CCBE1: variants seen among roughly 807,000 people sequenced by gnomAD.
CCBE1 encodes collagen and calcium binding EGF domains 1, also known as collagen and calcium-binding EGF domain-containing protein 1.
Under a neutral mutation model 50.0 loss-of-function variants are expected in CCBE1, and 37 were observed. That is an observed-to-expected ratio of 0.74 (90% confidence interval 0.57 to 0.97). The LOEUF is 0.97. Among genes scored for constraint, CCBE1 ranks in the 50% least tolerant of loss-of-function variants. The pLI, the probability that CCBE1 is intolerant of heterozygous loss-of-function variation, is 0.00. For synonymous variants in CCBE1, 234 were observed against 203.7 expected (o/e 1.15, Z -1.27); for missense variants, 538 against 523.8 (o/e 1.03, Z -0.26).
chr18:59,632,055 G>C (rs1599082278), intron 2 of CCBE1, among the ~76,000 whole-genome samples: 1 of 152,124 alleles, frequency 6.6e-6, no homozygotes, highest in Admixed American at 6.5e-5. Context: ...AAAGCTTTAA[G>C]GTTCAAAACA....
intron 2 of CCBE1, among the ~76,000 whole-genome samples, chr18:59,693,671 CTG>C (rs1175633215): frequency 6.6e-6 from 1 of 152,094 alleles, no homozygotes. Flanking sequence ...AGTCTGCAAA[CTG>C]AGACCAGAGA....
intron 2 of CCBE1, among the ~76,000 whole-genome samples, chr18:59,548,438 G>T (rs1915791590): frequency 6.6e-6 from 1 of 152,206 alleles, no homozygotes; most frequent in Non-Finnish European, 1.5e-5. Context: ...AATAGAGATT[G>T]CAGGGTGTGG....
intron 2 of CCBE1, among the ~76,000 whole-genome samples, chr18:59,590,962 A>ATGATCAAGTTCCAGATGCAACT (rs1599041319): frequency 3.6e-5 from 4 of 110,056 alleles, no homozygotes; most frequent in South Asian, 2.9e-4. Context: ...GCTGCTAAGT[A>ATGATCAAGTTCCAGATGCAACT]GGCCGGGCGC....
At chr18:59,578,618 T>C (rs1487160265) in intron 2 of CCBE1, among the ~76,000 whole-genome samples, 1 of 152,040 alleles carries the variant, frequency 6.6e-6, no homozygotes, top group Non-Finnish European at 1.5e-5. Flanking sequence ...TATGCACCCA[T>C]AAAAAAGGAT....
chr18:59,619,317 GT>G (rs951083974), intron 2 of CCBE1, among the ~76,000 whole-genome samples: 1 of 152,028 alleles, frequency 6.6e-6, no homozygotes, highest in Admixed American at 6.6e-5. Context: ...TTATTATTTT[GT>G]TTTTTAGAGA....
At chr18:59,638,721 C>T (rs2053946020) in intron 2 of CCBE1, among the ~76,000 whole-genome samples, 1 of 152,228 alleles carries the variant, frequency 6.6e-6, no homozygotes, top group Non-Finnish European at 1.5e-5. Flanking sequence ...AACACACACA[C>T]ATAGCCCAGA....
In CCBE1 at chr18:59,469,457, C is replaced by A. The variant is rs1042648051; in HGVS notation, c.400+16G>T. 1 of 1,614,184 alleles carries A rather than the reference C, an allele frequency of 6.2e-7. No individual in the cohort carries two copies. Among genetic ancestry groups the A allele is most frequent in the East Asian group, 2.2e-5 (1 of 44,874 alleles). The stretch of plus-strand genomic sequence containing the variant: ...CACATGTTCAGAAGCTGGAAACAAG[C>A]ACATTCCCAACACACCCAGACAGTA... On this transcript the variant is annotated intron_variant, in intron 4 of 10. Transcript: ENST00000439986.
chr18:59,536,025 C>A (rs922335712), intron 2 of CCBE1, among the ~76,000 whole-genome samples: 6 of 152,114 alleles, frequency 3.9e-5, no homozygotes, highest in African/African-American at 1.4e-4. Flanking sequence ...GAAACAAAGG[C>A]TTCAATTTTG....
chr18:59,514,991 A>G (rs4940885), intron 2 of CCBE1, among the ~76,000 whole-genome samples: 53,310 of 152,070 alleles, frequency 0.35, 9,959 homozygotes, highest in Middle Eastern at 0.48. Context: ...GAGAAGCAGG[A>G]AGCTCTGATG....
intron 2 of CCBE1, among the ~76,000 whole-genome samples, chr18:59,550,328 TTC>T (rs1251318758): frequency 6.6e-6 from 1 of 152,174 alleles, no homozygotes; most frequent in Non-Finnish European, 1.5e-5. Context: ...TATGGCTGAT[TTC>T]GAGTGACAAC....
chr18:59,629,989 A>T (rs2053831478), intron 2 of CCBE1, among the ~76,000 whole-genome samples: 1 of 152,222 alleles, frequency 6.6e-6, no homozygotes, highest in Admixed American at 6.5e-5. Flanking sequence ...CAGGGAAAAG[A>T]AAGTTTCCAG....
chr18:59,436,582 T>C (rs1396457419), intron 10 of CCBE1, among the ~76,000 whole-genome samples: 2 of 152,210 alleles, frequency 1.3e-5, no homozygotes, highest in Non-Finnish European at 2.9e-5. Flanking sequence ...GGGATAATAA[T>C]AGTCCCAACT....
chr18:59,504,549 A>G (rs1395297240), intron 2 of CCBE1, among the ~76,000 whole-genome samples: 1 of 152,146 alleles, frequency 6.6e-6, no homozygotes, highest in East Asian at 1.9e-4. Context: ...TCTTTGTGAG[A>G]GACAGAAAAG....
chr18:59,539,910 A>G (rs1915402162), intron 2 of CCBE1, among the ~76,000 whole-genome samples: 1 of 152,194 alleles, frequency 6.6e-6, no homozygotes, highest in African/African-American at 2.4e-5. Context: ...AAAATAATTT[A>G]TAATAAATAA....
chr18:59,582,697 T>A (rs1015534282), intron 2 of CCBE1, among the ~76,000 whole-genome samples: 5 of 152,182 alleles, frequency 3.3e-5, no homozygotes, highest in African/African-American at 1.2e-4. Flanking sequence ...CCTCTTTCAG[T>A]TACTATCTAC....
At chr18:59,677,953 A>G (rs1395072567) in intron 2 of CCBE1, among the ~76,000 whole-genome samples, 2 of 152,248 alleles carry the variant, frequency 1.3e-5, no homozygotes, top group Non-Finnish European at 2.9e-5. Context: ...CCTAGTATAC[A>G]CAACCGGGCT....
intron 2 of CCBE1, among the ~76,000 whole-genome samples, chr18:59,675,699 A>G (rs537064186): frequency 6.6e-6 from 1 of 152,348 alleles, no homozygotes; most frequent in East Asian, 1.9e-4. Context: ...GTTGGCCCAG[A>G]GTTTAGAAAC....
intron 2 of CCBE1, among the ~76,000 whole-genome samples, chr18:59,658,554 C>A (rs1036209481): frequency 2.7e-5 from 4 of 146,302 alleles, no homozygotes; most frequent in Non-Finnish European, 3.0e-5. Context: ...GGTGACCGAG[C>A]AAGGCCCTAC....
intron 2 of CCBE1, among the ~76,000 whole-genome samples, chr18:59,664,567 T>G (rs1316890830): frequency 6.6e-6 from 1 of 152,190 alleles, no homozygotes; most frequent in Admixed American, 6.5e-5. Flanking sequence ...ACACATTAAG[T>G]AGCTTCAACA....
Sources: gnomAD v4.1 joint callset for allele counts (sites outside exome capture counted in the v4.1 genomes callset) on GRCh38, gnomAD v4.1.1 for gene constraint, MANE v1.5 for transcripts, NCBI Gene and HGNC (gene_info 2026-07-23, HGNC 2026-07-21) for gene names.